PGM3: variants seen among roughly 807,000 people sequenced by gnomAD.
PGM3 encodes the protein phosphoacetylglucosamine mutase.
PGM3 carries 40 observed loss-of-function variants against 66.2 expected under a neutral mutation model. That is an observed-to-expected ratio of 0.60 (90% confidence interval 0.47 to 0.79). PGM3 has a LOEUF of 0.79. PGM3 is among the 30% of genes least tolerant of loss of function. The pLI is 0.00. For synonymous variants in PGM3, 191 were observed against 224.2 expected (o/e 0.85, Z 1.32); for missense variants, 537 against 643.4 (o/e 0.83, Z 1.79).
the PGM3 span, chr6:83,151,864 T>C: frequency 6.2e-7 from 1 of 1,612,040 alleles, no homozygotes; most frequent in Non-Finnish European, 8.5e-7. Flanking sequence ...TACATAGTTG[T>C]TCTTCCTTAT....
downstream of PGM3, chr6:83,159,624 G>A (rs1294921823): frequency 1.3e-6 from 1 of 741,676 alleles, no homozygotes; most frequent in Non-Finnish European, 2.2e-6. Context: ...AAGAAGAAAA[G>A]TGAATTTTTG....
At chr6:83,154,272 T>C in the PGM3 span, 2 of 1,585,998 alleles carry the variant, frequency 1.3e-6, no homozygotes, top group Non-Finnish European at 8.7e-7. Context: ...ATCCAAGTTC[T>C]TTCCTGTACA....
chr6:83,186,977 G>T, intron 4 of PGM3, 31 bp downstream of exon 4: 2 of 1,235,738 alleles, frequency 1.6e-6, no homozygotes, highest in Non-Finnish European at 2.3e-6. Context: ...TTAAATATTA[G>T]TTTAATTTCC....
chr6:83,161,696 A>C (rs1784271938), downstream of PGM3, among the ~76,000 whole-genome samples: 1 of 152,168 alleles, frequency 6.6e-6, no homozygotes, highest in African/African-American at 2.4e-5. Context: ...CTTTCCTTTT[A>C]CTTTTAGTAA....
downstream of PGM3, among the ~76,000 whole-genome samples, chr6:83,159,589 T>C (rs1783744489): frequency 6.6e-6 from 1 of 152,166 alleles, no homozygotes; most frequent in African/African-American, 2.4e-5. Flanking sequence ...CTGCGCCCAG[T>C]CTATGTACTG....
At chr6:83,175,059 A>T (rs1274180452) in intron 9 of PGM3, among the ~76,000 whole-genome samples, 1 of 152,188 alleles carries the variant, frequency 6.6e-6, no homozygotes, top group East Asian at 1.9e-4. Flanking sequence ...TAGAGGCCTA[A>T]TACTGAGCAA....
chr6:83,162,790 G>C, downstream of PGM3: 1 of 1,611,074 alleles, frequency 6.2e-7, no homozygotes, highest in South Asian at 1.1e-5. Context: ...CTATACATAG[G>C]TACCGATGGG....
At chr6:83,189,637 G>A (rs1170188612) in intron 2 of PGM3, among the ~76,000 whole-genome samples, 2 of 152,154 alleles carry the variant, frequency 1.3e-5, no homozygotes, top group Non-Finnish European at 2.9e-5. Context: ...CACAGCCCCA[G>A]CAATCAAATA....
chr6:83,158,501 T>G (rs1783384325), downstream of PGM3: 4 of 1,235,130 alleles, frequency 3.2e-6, no homozygotes, highest in South Asian at 5.4e-5. Context: ...AAAATACAAC[T>G]TAAAGATAAC....
intron 2 of PGM3, among the ~76,000 whole-genome samples, chr6:83,189,311 G>A (rs146875417): frequency 6.6e-6 from 1 of 152,180 alleles, no homozygotes; most frequent in South Asian, 2.1e-4. Context: ...GGGTAGGACA[G>A]ACACTGAAAA....
chr6:83,156,200 A>G, downstream of PGM3: 1 of 960,978 alleles, frequency 1.0e-6, no homozygotes, highest in Non-Finnish European at 1.5e-6. Flanking sequence ...AAAATATATC[A>G]AGTGTAGATC....
Position 83,181,925 on chromosome 6 carries a change from A to G in PGM3, c.598T>C (p.Cys200Arg). The change falls in exon 6 of 13, where the codon TGC becomes CGC. Residue 200 changes from cysteine to arginine, a missense_variant. Coordinates refer to ENST00000513973, the MANE Select transcript of PGM3 (RefSeq NM_015599.3). ...AFVELTKQAS[C>R]SGDEYRSLKV... ...AGTGATCTGTATTCATCTCCACTGCAAGAAGCCTACAAAGGAAAAAGACAC... is the reference window on the plus strand; with the variant it reads ...AGTGATCTGTATTCATCTCCACTGCGAGAAGCCTACAAAGGAAAAAGACAC... 1.9e-6 allele frequency: 3 copies of G among 1,583,782 alleles called. No individual in the cohort carries two copies. Among genetic ancestry groups the G allele is most frequent in the Non-Finnish European group, 1.7e-6 (2 of 1,170,514 alleles).
chr6:83,187,129 G>T (rs1788642508), intron 3 of PGM3, 54 bp from the exon 4 acceptor site: 2 of 1,159,974 alleles, frequency 1.7e-6, no homozygotes, highest in Admixed American at 1.9e-5. Context: ...TGGCAGGGTT[G>T]CTGGTTCTGC....
chr6:83,179,653 A>C (rs1179249359), intron 7 of PGM3, among the ~76,000 whole-genome samples, 157 bp downstream of exon 7: 1 of 152,220 alleles, frequency 6.6e-6, no homozygotes, highest in Admixed American at 6.5e-5. Context: ...TCAAATGTTC[A>C]AATGACTGGG....
downstream of PGM3, chr6:83,158,469 A>G (rs1284260178): frequency 9.5e-6 from 9 of 945,822 alleles, no homozygotes; most frequent in Non-Finnish European, 1.4e-5. Flanking sequence ...AATGTATTCT[A>G]AAATTTGTTT....
At chr6:83,160,026 T>C (rs537074935), downstream of PGM3, 132 of 1,484,374 alleles carry the variant, frequency 8.9e-5, 2 homozygotes, top group South Asian at 1.6e-3. Context: ...CACTGACATC[T>C]ATGACTAATT....
At chr6:83,179,221 G>A (rs1787996187) in intron 7 of PGM3, among the ~76,000 whole-genome samples, 1 of 148,372 alleles carries the variant, frequency 6.7e-6, no homozygotes, top group South Asian at 2.1e-4. Context: ...TGAGGCAGAA[G>A]AATTGCTTGA....
At chr6:83,162,899 C>T, downstream of PGM3, 2 of 1,612,550 alleles carry the variant, frequency 1.2e-6, no homozygotes, top group African/African-American at 2.7e-5. Context: ...ACTAGCAAAA[C>T]TTCTTCGGAA....
In PGM3 at chr6:83,164,906, G is replaced by A. The variant is rs1785097641; in HGVS notation, c.*4328C>T. The A allele has an allele frequency of 1.4e-5, 8 of 567,848 alleles. No individual in the cohort carries two copies. The South Asian group carries it at 1.8e-4, about 13-fold the overall frequency. The allele number at this position is 567,848 out of a possible 1,614,324, so 35.2% of individuals were successfully genotyped here. The stretch of plus-strand genomic sequence containing the variant: ...GAAACATTTGACTTTATTTAATATT[G>A]AGACAATACATATAGTTCTGATTAA... On this transcript the variant is annotated 3_prime_UTR_variant, in exon 13 of 13. Transcript: ENST00000513973.
Sources: allele counts gnomAD v4.1 joint callset (sites outside exome capture counted in the v4.1 genomes callset), GRCh38; gene constraint gnomAD v4.1.1; transcripts MANE v1.5; gene names NCBI Gene and HGNC (gene_info 2026-07-23, HGNC 2026-07-21).